Variants in FHIT observed in about 807,000 individuals in gnomAD.
The protein encoded by FHIT is fragile histidine triad diadenosine triphosphatase.
FHIT carries 19 observed loss-of-function variants against 17.9 expected under a neutral mutation model. That is an observed-to-expected ratio of 1.06 (90% CI 0.74 to 1.56). The LOEUF (loss-of-function observed/expected upper bound fraction) is 1.56. Ranked by LOEUF, FHIT falls within the 40% of genes most tolerant of loss-of-function variation. FHIT has a pLI of 0.00. For missense variants in FHIT, 248 were observed against 189.2 expected (o/e 1.31, Z -1.82); for synonymous variants, 81 against 69.7 (o/e 1.16, Z -0.81).
intron 5 of FHIT, among the ~76,000 whole-genome samples, chr3:60,170,378 C>A (rs964789413): frequency 2.6e-5 from 4 of 152,160 alleles, no homozygotes; most frequent in African/African-American, 7.2e-5. Flanking sequence ...GGTATCCCCA[C>A]TATTTGAGCC....
At chr3:61,225,013 C>T (rs1017961760) in intron 1 of FHIT, among the ~76,000 whole-genome samples, 1 of 152,148 alleles carries the variant, frequency 6.6e-6, no homozygotes, top group African/African-American at 2.4e-5. Context: ...CACTGACCTC[C>T]TTAAGAGGTA....
intron 5 of FHIT, among the ~76,000 whole-genome samples, chr3:60,440,572 A>T (rs2030708555): frequency 6.6e-6 from 1 of 152,142 alleles, no homozygotes; most frequent in Non-Finnish European, 1.5e-5. Context: ...TCTTACCATG[A>T]GGAACCTCAG....
chr3:60,593,283 C>CA (rs1553665042), intron 4 of FHIT, among the ~76,000 whole-genome samples: 1 of 151,958 alleles, frequency 6.6e-6, no homozygotes, highest in East Asian at 1.9e-4. Context: ...AACTAGCCTG[C>CA]AAAAAAGTAT....
intron 8 of FHIT, among the ~76,000 whole-genome samples, chr3:59,915,715 G>A (rs892998803): frequency 2.0e-5 from 3 of 152,156 alleles, no homozygotes; most frequent in Non-Finnish European, 2.9e-5. Flanking sequence ...CAAGCCAGGA[G>A]GATTGCTTGA....
chr3:59,898,755 T>G (rs1704190484), intron 8 of FHIT, among the ~76,000 whole-genome samples: 1 of 152,080 alleles, frequency 6.6e-6, no homozygotes, highest in Admixed American at 6.6e-5. Context: ...AGACAGAAAT[T>G]TCAAGTTCAG....
chr3:61,058,991 C>T (rs1575934771), intron 2 of FHIT, among the ~76,000 whole-genome samples: 1 of 152,190 alleles, frequency 6.6e-6, no homozygotes, highest in Non-Finnish European at 1.5e-5. Context: ...AGTGTCCTTC[C>T]TCTGTGTCCA....
intron 4 of FHIT, among the ~76,000 whole-genome samples, chr3:60,772,158 A>C (rs1466892942): frequency 1.3e-5 from 2 of 152,250 alleles, no homozygotes; most frequent in East Asian, 3.9e-4. Context: ...TCAGAAGAAA[A>C]AAAAAAAGTT....
intron 4 of FHIT, among the ~76,000 whole-genome samples, chr3:60,735,164 G>C (rs1402455931): frequency 1.3e-5 from 2 of 152,204 alleles, no homozygotes; most frequent in African/African-American, 4.8e-5. Flanking sequence ...TTTTCAGAGA[G>C]CCTGTATCTT....
chr3:60,202,127 A>G (rs1702941486), intron 5 of FHIT, among the ~76,000 whole-genome samples: 1 of 152,346 alleles, frequency 6.6e-6, no homozygotes, highest in South Asian at 2.1e-4. Flanking sequence ...CAGTGGAAAG[A>G]GCATCTTTTC....
intron 5 of FHIT, among the ~76,000 whole-genome samples, chr3:60,198,303 G>A (rs957669266): frequency 6.6e-6 from 1 of 152,090 alleles, no homozygotes; most frequent in African/African-American, 2.4e-5. Context: ...TAACCTAAGT[G>A]CATATAAAAA....
chr3:60,883,962 A>ATT (rs1705091218), intron 3 of FHIT, among the ~76,000 whole-genome samples: 1 of 152,232 alleles, frequency 6.6e-6, no homozygotes, highest in African/African-American at 2.4e-5. Flanking sequence ...CAAACTATCC[A>ATT]TTTGACAAGG....
Position 60,822,998 on chromosome 3 carries a change from T to A in FHIT, c.-110-987A>T, listed in dbSNP as rs1341294443. ...ATTTAGAGGTAATCGTTTCCTTTTT[T>A]AATCTAATAATCTTGGTCTACATCA... On this transcript the variant is annotated intron_variant, in intron 3 of 9. Transcript: ENST00000492590. Among the ~76,000 whole-genome samples, 4 of 152,356 alleles carry A rather than the reference T, an allele frequency of 2.6e-5. 1 individual carries two copies. Among genetic ancestry groups the A allele is most frequent in the African/African-American group, 9.6e-5 (4 of 41,588 alleles).
At chr3:59,981,077 C>A (rs1210001673) in intron 7 of FHIT, among the ~76,000 whole-genome samples, 1 of 152,004 alleles carries the variant, frequency 6.6e-6, no homozygotes, top group African/African-American at 2.4e-5. Flanking sequence ...CCACAAAAAA[C>A]CCACCACCAA....
chr3:60,267,200 G>C (rs1706625330), intron 5 of FHIT, among the ~76,000 whole-genome samples: 1 of 151,980 alleles, frequency 6.6e-6, no homozygotes, highest in African/African-American at 2.4e-5. Context: ...TAGAGATACA[G>C]AGATAAATAC....
chr3:60,235,941 G>T (rs1027221428), intron 5 of FHIT, among the ~76,000 whole-genome samples: 34 of 152,020 alleles, frequency 2.2e-4, no homozygotes, highest in Non-Finnish European at 1.6e-4. Context: ...TGTTAGACTA[G>T]AGCTCCTTTT....
At chr3:60,859,230 G>A (rs1233994735) in intron 3 of FHIT, among the ~76,000 whole-genome samples, 3 of 152,122 alleles carry the variant, frequency 2.0e-5, no homozygotes, top group Non-Finnish European at 2.9e-5. Flanking sequence ...TCATCTCTGG[G>A]CTCCTCATAG....
chr3:61,110,543 C>G (rs1279973226), intron 2 of FHIT, among the ~76,000 whole-genome samples: 1 of 151,826 alleles, frequency 6.6e-6, no homozygotes, highest in African/African-American at 2.4e-5. Context: ...TCCTTTTTTC[C>G]TTCTTTTCGT....
At position 60,650,671 on chromosome 3, in the gene FHIT, T is replaced by C. The variant is rs1316564592; in HGVS notation, c.-17-113692A>G. ...ATGGAAAACACTACATATACTACTT[T>C]ATGCAGTCGACTTTTGCTTCTGTGA... On this transcript the variant is annotated intron_variant, in intron 4 of 9. Coordinates refer to ENST00000492590, the MANE Select transcript of FHIT (RefSeq NM_002012.4). Among the ~76,000 whole-genome samples the C allele has an allele frequency of 5.9e-5, 9 of 152,234 alleles. 1 individual carries two copies. The highest frequency in any genetic ancestry group is 2.2e-4 in the African/African-American group (9 of 41,446).
intron 5 of FHIT, among the ~76,000 whole-genome samples, chr3:60,087,025 G>A (rs554426918): frequency 2.5e-4 from 38 of 152,302 alleles, no homozygotes; most frequent in African/African-American, 9.1e-4. Flanking sequence ...TGAAATCTAT[G>A]AGTCATCAAG....
Sources: allele counts gnomAD v4.1 joint callset (sites outside exome capture counted in the v4.1 genomes callset), GRCh38; gene constraint gnomAD v4.1.1; transcripts MANE v1.5; gene names NCBI Gene and HGNC (gene_info 2026-07-23, HGNC 2026-07-21).